Variants in KCNIP4 observed in about 807,000 individuals in gnomAD.
KCNIP4 encodes potassium voltage-gated channel interacting protein 4, also known as Kv channel-interacting protein 4.
KCNIP4 carries 12 observed loss-of-function variants against 34.0 expected under a neutral mutation model. The ratio of observed to expected loss-of-function variants is 0.35; its 90% CI spans 0.23 to 0.57. The LOEUF (loss-of-function observed/expected upper bound fraction) is 0.57, where lower values mean the gene tolerates loss of function less well. Ranked by LOEUF, KCNIP4 falls within the 20% of genes least tolerant of loss-of-function variation. The probability of loss-of-function intolerance (pLI) is 0.83; values close to 1 mark genes in which losing one functional copy is unlikely to be tolerated. For synonymous variants in KCNIP4, 124 were observed against 102.2 expected (o/e 1.21, Z -1.29); for missense variants, 238 against 311.7 (o/e 0.76, Z 1.78).
chr4:21,766,138 C>G (rs1362865488), intron 1 of KCNIP4, among the ~76,000 whole-genome samples: 1 of 152,156 alleles, frequency 6.6e-6, no homozygotes, highest in Non-Finnish European at 1.5e-5. Flanking sequence ...ACTCAGATGT[C>G]TTCCTGCTAA....
intron 1 of KCNIP4, among the ~76,000 whole-genome samples, chr4:21,189,743 A>C (rs1755493449): frequency 6.6e-6 from 1 of 152,236 alleles, no homozygotes; most frequent in South Asian, 2.1e-4. Context: ...TGACCATAGA[A>C]ATTACATTTT....
chr4:21,249,940 G>A (rs774225536), intron 1 of KCNIP4, among the ~76,000 whole-genome samples: 9 of 151,944 alleles, frequency 5.9e-5, no homozygotes, highest in Admixed American at 2.0e-4. Context: ...CCCAATGAAC[G>A]AGAGCACTGT....
chr4:21,948,547 G>C, intron 1 of KCNIP4, 24 bp downstream of exon 1: 1 of 1,607,304 alleles, frequency 6.2e-7, no homozygotes, highest in Non-Finnish European at 8.5e-7. Context: ...GCGGGCGCCC[G>C]CTCGCAAGCT....
chr4:21,310,741 C>T (rs1281417901), intron 1 of KCNIP4, among the ~76,000 whole-genome samples: 1 of 152,006 alleles, frequency 6.6e-6, no homozygotes, highest in Admixed American at 6.6e-5. Flanking sequence ...AAGCCATTCT[C>T]CTGCCTCAGC....
chr4:20,798,497 CCA>C (rs373960573), intron 3 of KCNIP4, among the ~76,000 whole-genome samples: 108 of 149,764 alleles, frequency 7.2e-4, no homozygotes, highest in African/African-American at 2.3e-3. Context: ...CTTCTTTCTA[CCA>C]CACACACACA....
At chr4:21,116,044 C>T (rs1577719833) in intron 1 of KCNIP4, among the ~76,000 whole-genome samples, 2 of 152,130 alleles carry the variant, frequency 1.3e-5, no homozygotes, top group South Asian at 4.1e-4. Context: ...CTTTTCATTC[C>T]TTTTTCCCTC....
intron 1 of KCNIP4, among the ~76,000 whole-genome samples, chr4:21,242,098 A>T (rs1759859269): frequency 7.1e-6 from 1 of 140,776 alleles, no homozygotes; most frequent in African/African-American, 2.7e-5. Context: ...CAGGAGGCGG[A>T]GCTTGCAGTG....
intron 3 of KCNIP4, among the ~76,000 whole-genome samples, chr4:20,825,225 G>GTTTTTT (rs71181592): frequency 3.1e-4 from 35 of 113,620 alleles, no homozygotes; most frequent in South Asian, 1.2e-3. Context: ...TCAATTTTAC[G>GTTTTTT]TTTTTTTTTT....
chr4:21,496,194 A>G (rs906082771), intron 1 of KCNIP4, among the ~76,000 whole-genome samples: 1 of 152,324 alleles, frequency 6.6e-6, no homozygotes, highest in African/African-American at 2.4e-5. Flanking sequence ...TCAGGAGCTA[A>G]GGTGATTGAG....
At chr4:20,956,514 A>AT (rs1733323698) in intron 1 of KCNIP4, among the ~76,000 whole-genome samples, 1 of 151,522 alleles carries the variant, frequency 6.6e-6, no homozygotes, top group Non-Finnish European at 1.5e-5. Context: ...CAAAAAAAAA[A>AT]AGTTTTCTCT....
chr4:21,443,485 T>A (rs1727668634), intron 1 of KCNIP4, among the ~76,000 whole-genome samples: 1 of 152,218 alleles, frequency 6.6e-6, no homozygotes, highest in African/African-American at 2.4e-5. Flanking sequence ...AATATTTAAA[T>A]AAGTAGACTT....
intron 1 of KCNIP4, among the ~76,000 whole-genome samples, chr4:21,900,072 G>A (rs553822642): frequency 5.9e-5 from 9 of 152,178 alleles, no homozygotes; most frequent in African/African-American, 2.2e-4. Flanking sequence ...TAGACCTATA[G>A]GATATTTTGT....
chr4:21,756,980 A>C (rs13138025), intron 1 of KCNIP4, among the ~76,000 whole-genome samples: 112,291 of 150,972 alleles, frequency 0.74, 43,407 homozygotes, highest in African/African-American at 0.9. Context: ...ACCTGTAATC[A>C]CAGCTACTTG....
At chr4:20,937,765 C>G (rs1731231216) in intron 1 of KCNIP4, among the ~76,000 whole-genome samples, 1 of 151,632 alleles carries the variant, frequency 6.6e-6, no homozygotes, top group Admixed American at 6.6e-5. Context: ...CTCTTCCACA[C>G]TCGGTCAGAC....
At chr4:21,235,708 G>A (rs1354945135) in intron 1 of KCNIP4, among the ~76,000 whole-genome samples, 1 of 152,194 alleles carries the variant, frequency 6.6e-6, no homozygotes, top group Non-Finnish European at 1.5e-5. Context: ...TAACTTCTAT[G>A]AGGCAAGGAT....
chr4:20,929,566 C>G (rs899651511), intron 1 of KCNIP4, among the ~76,000 whole-genome samples: 4 of 151,810 alleles, frequency 2.6e-5, no homozygotes, highest in African/African-American at 7.3e-5. Flanking sequence ...AAATAAAAAG[C>G]ATTTAAGTCA....
chr4:21,654,811 C>T (rs181367217), intron 1 of KCNIP4, among the ~76,000 whole-genome samples: 1 of 152,108 alleles, frequency 6.6e-6, no homozygotes, highest in African/African-American at 2.4e-5. Flanking sequence ...GTAGTCCCAG[C>T]TACTTGGGAG....
chr4:21,192,937 C>CAGAA (rs1755767247), intron 1 of KCNIP4, among the ~76,000 whole-genome samples: 1 of 142,614 alleles, frequency 7.0e-6, no homozygotes, highest in Non-Finnish European at 1.5e-5. Flanking sequence ...ACTACTACTA[C>CAGAA]TACTACTACT....
At chr4:21,265,776 C>T (rs566249694) in intron 1 of KCNIP4, among the ~76,000 whole-genome samples, 238 of 152,286 alleles carry the variant, frequency 1.6e-3, no homozygotes, top group African/African-American at 5.4e-3. Flanking sequence ...CTTAAACAAT[C>T]ACTGTTTGTT....
Sources: gnomAD v4.1 joint callset for allele counts (sites outside exome capture counted in the v4.1 genomes callset) on GRCh38, gnomAD v4.1.1 for gene constraint, MANE v1.5 for transcripts, NCBI Gene and HGNC (gene_info 2026-07-23, HGNC 2026-07-21) for gene names.